Variants in PTPRD observed in about 807,000 individuals in gnomAD.
PTPRD encodes the protein receptor-type tyrosine-protein phosphatase delta.
PTPRD carries 34 observed loss-of-function variants against 214.5 expected under a neutral mutation model. That is an observed-to-expected ratio of 0.16 (90% CI 0.12 to 0.21). The LOEUF (loss-of-function observed/expected upper bound fraction) is 0.21, where lower values mean the gene tolerates loss of function less well. PTPRD is among the 10% of genes least tolerant of loss of function. The pLI, the probability that PTPRD is intolerant of heterozygous loss-of-function variation, is 1.00. For synonymous variants in PTPRD, 1,128 were observed against 845.7 expected (o/e 1.33, Z -5.79); for missense variants, 2,545 against 2,398.7 (o/e 1.06, Z -1.27).
At chr9:8,856,081 C>T (rs564680533) in intron 11 of PTPRD, among the ~76,000 whole-genome samples, 68 of 152,222 alleles carry the variant, frequency 4.5e-4, no homozygotes, top group African/African-American at 1.6e-3. Flanking sequence ...AGACACGGAA[C>T]ATTGAAAATG....
intron 35 of PTPRD, among the ~76,000 whole-genome samples, chr9:8,433,148 A>G (rs914178712): frequency 6.6e-6 from 1 of 152,208 alleles, no homozygotes; most frequent in African/African-American, 2.4e-5. Flanking sequence ...AGACTGATCC[A>G]TAAAACTATA....
intron 2 of PTPRD, among the ~76,000 whole-genome samples, chr9:10,509,560 TATATA>T (rs2047283426): frequency 5.8e-5 from 2 of 34,674 alleles, no homozygotes; most frequent in Admixed American, 5.5e-4. Flanking sequence ...ATAAATATTA[TATATA>T]TATATATATA....
chr9:10,000,004 A>G (rs2096269459), intron 4 of PTPRD, among the ~76,000 whole-genome samples: 1 of 152,210 alleles, frequency 6.6e-6, no homozygotes, highest in African/African-American at 2.4e-5. Flanking sequence ...GTCATGAAAA[A>G]ATTTAATAAT....
At chr9:9,072,823 T>C (rs1569528275) in intron 10 of PTPRD, among the ~76,000 whole-genome samples, 1 of 152,224 alleles carries the variant, frequency 6.6e-6, no homozygotes, top group Non-Finnish European at 1.5e-5. Context: ...TTGCCTTGTG[T>C]ATATTCCTTT....
intron 19 of PTPRD, among the ~76,000 whole-genome samples, chr9:8,522,303 A>G (rs2097907360): frequency 6.6e-6 from 1 of 152,138 alleles, no homozygotes. Flanking sequence ...CGCAGAAGAA[A>G]TAAGGGGGCA....
intron 5 of PTPRD, among the ~76,000 whole-genome samples, chr9:9,899,690 A>G (rs113475879): frequency 0.016 from 2,482 of 152,110 alleles, 68 homozygotes; most frequent in African/African-American, 0.056. Context: ...CAGCAATCCC[A>G]CTACTAGATA....
At chr9:8,499,942 G>A (rs2097357206) in intron 24 of PTPRD, 102 bp from the exon 25 acceptor site, 1 of 959,570 alleles carries the variant, frequency 1.0e-6, no homozygotes. Flanking sequence ...TCAAAAAATG[G>A]GTAAACCCAC....
chr9:10,190,034 G>A (rs779715529), intron 3 of PTPRD, among the ~76,000 whole-genome samples: 2 of 152,064 alleles, frequency 1.3e-5, no homozygotes, highest in African/African-American at 2.4e-5. Flanking sequence ...TTAAAGAGTT[G>A]AGCTCTGAGA....
intron 8 of PTPRD, among the ~76,000 whole-genome samples, chr9:9,419,991 A>G (rs1433311677): frequency 6.6e-6 from 1 of 151,636 alleles, no homozygotes; most frequent in Non-Finnish European, 1.5e-5. Flanking sequence ...CTAAATTTTG[A>G]TGGTAAGGAA....
chr9:8,616,188 G>A (rs1421816528), intron 14 of PTPRD, among the ~76,000 whole-genome samples: 1 of 151,992 alleles, frequency 6.6e-6, no homozygotes, highest in Non-Finnish European at 1.5e-5. Context: ...GGCTTTTTTA[G>A]GTACTGGACC....
At chr9:10,451,910 TTC>T (rs202138073) in intron 2 of PTPRD, among the ~76,000 whole-genome samples, 1,806 of 152,072 alleles carry the variant, frequency 0.012, 32 homozygotes, top group African/African-American at 0.039. Context: ...AGGTATTATT[TTC>T]GAATTAAAGC....
intron 6 of PTPRD, among the ~76,000 whole-genome samples, chr9:9,744,458 C>G (rs950355524): frequency 1.3e-5 from 2 of 152,090 alleles, no homozygotes; most frequent in Non-Finnish European, 2.9e-5. Flanking sequence ...GATACATTTT[C>G]CACAGTGAGC....
At chr9:9,753,690 T>C (rs1200980436) in intron 6 of PTPRD, among the ~76,000 whole-genome samples, 2 of 151,940 alleles carry the variant, frequency 1.3e-5, no homozygotes, top group Non-Finnish European at 2.9e-5. Context: ...TATCAAAGCC[T>C]CAAAAAGGAA....
At chr9:8,395,220 C>G (rs950119961) in intron 36 of PTPRD, among the ~76,000 whole-genome samples, 2 of 152,162 alleles carry the variant, frequency 1.3e-5, no homozygotes, top group Non-Finnish European at 2.9e-5. Flanking sequence ...AGCACAAAAG[C>G]TACCTTTCAT....
intron 3 of PTPRD, among the ~76,000 whole-genome samples, chr9:10,271,451 T>C (rs190802056): frequency 1.0e-4 from 14 of 133,364 alleles, no homozygotes; most frequent in Admixed American, 1.0e-3. Context: ...AAAATTGCAA[T>C]GAAAAAATAT....
chr9:10,340,787 T>C (rs891177636), intron 3 of PTPRD, among the ~76,000 whole-genome samples, 176 bp downstream of exon 3: 1 of 151,920 alleles, frequency 6.6e-6, no homozygotes, highest in African/African-American at 2.4e-5. Context: ...CCAAAGTGTA[T>C]AGCAAGACTA....
At chr9:8,334,166 A>C (rs1844328894) in intron 43 of PTPRD, among the ~76,000 whole-genome samples, 2 of 152,180 alleles carry the variant, frequency 1.3e-5, no homozygotes, top group Admixed American at 6.6e-5. Flanking sequence ...ACTTGAAGTC[A>C]GCTCTGGACT....
chr9:9,997,417 C>G (rs1375199928), intron 4 of PTPRD, among the ~76,000 whole-genome samples: 2 of 151,820 alleles, frequency 1.3e-5, no homozygotes, highest in Non-Finnish European at 2.9e-5. Context: ...TCCCGAGTAG[C>G]TGGGATTACA....
intron 3 of PTPRD, among the ~76,000 whole-genome samples, chr9:10,170,958 T>G (rs10958933): frequency 6.6e-6 from 1 of 151,896 alleles, no homozygotes; most frequent in South Asian, 2.1e-4. Context: ...CACCAAGTCC[T>G]TTTCCTTGAT....
Sources: gnomAD v4.1 joint callset for allele counts (sites outside exome capture counted in the v4.1 genomes callset) on GRCh38, gnomAD v4.1.1 for gene constraint, MANE v1.5 for transcripts, NCBI Gene and HGNC (gene_info 2026-07-23, HGNC 2026-07-21) for gene names.